AFF3: variants seen among roughly 807,000 people sequenced by gnomAD.
AFF3 encodes the protein ALF transcription elongation factor 3.
AFF3 carries 32 observed loss-of-function variants against 129.7 expected under a neutral mutation model. That is an observed-to-expected ratio of 0.25 (90% CI 0.19 to 0.33). AFF3 has a LOEUF of 0.33. Ranked by LOEUF, AFF3 falls within the 10% of genes least tolerant of loss-of-function variation. AFF3 has a pLI of 1.00. For missense variants in AFF3, 1,373 were observed against 1,592.0 expected, an observed-to-expected ratio of 0.86 and a Z score of 2.34; for synonymous variants, 644 against 635.4, an observed-to-expected ratio of 1.01 and a Z score of -0.20.
chr2:99,895,347 G>A (rs1003706333), intron 7 of AFF3, among the ~76,000 whole-genome samples: 10 of 152,204 alleles, frequency 6.6e-5, no homozygotes, highest in African/African-American at 2.4e-4. Context: ...CATTTTTAAA[G>A]TGTTTTTTAA....
intron 8 of AFF3, among the ~76,000 whole-genome samples, chr2:99,832,528 C>T (rs1243539372): frequency 6.6e-6 from 1 of 152,198 alleles, no homozygotes; most frequent in African/African-American, 2.4e-5. Context: ...CACCAGGGTG[C>T]CCTTAGCAGG....
chr2:100,117,045 G>A (rs898054540), intron 2 of AFF3, among the ~76,000 whole-genome samples: 1 of 151,946 alleles, frequency 6.6e-6, no homozygotes, highest in East Asian at 1.9e-4. Flanking sequence ...TTTTTCCTCT[G>A]TCTGCTTTTA....
chr2:99,682,969 T>C (rs1002175716), intron 11 of AFF3, among the ~76,000 whole-genome samples: 1 of 152,208 alleles, frequency 6.6e-6, no homozygotes, highest in Non-Finnish European at 1.5e-5. Context: ...TATTCTTGCA[T>C]TTATTGATTT....
intron 11 of AFF3, among the ~76,000 whole-genome samples, chr2:99,690,880 G>A (rs1675592824): frequency 6.6e-6 from 1 of 151,938 alleles, no homozygotes; most frequent in African/African-American, 2.4e-5. Flanking sequence ...GGGAAAGGCA[G>A]AAGCAGAGAG....
At chr2:99,707,166 C>CT in intron 11 of AFF3, 1 of 985,420 alleles carries the variant, frequency 1.0e-6, no homozygotes, top group Non-Finnish European at 1.2e-6. Context: ...TTGCCTGTAA[C>CT]AACATCCTAA....
chr2:99,896,881 C>T (rs552597229), intron 7 of AFF3, among the ~76,000 whole-genome samples: 39 of 151,968 alleles, frequency 2.6e-4, no homozygotes, highest in Middle Eastern at 3.4e-3. Flanking sequence ...GTGATCTGCC[C>T]GCCTCGGCCT....
At chr2:100,054,506 T>C (rs1203329487) in intron 4 of AFF3, among the ~76,000 whole-genome samples, 1 of 152,154 alleles carries the variant, frequency 6.6e-6, no homozygotes, top group East Asian at 1.9e-4. Context: ...AGTTTTTCCC[T>C]GCCTTTGGAC....
rs931827366 is a variant in AFF3, at chr2:99,547,903, C to T, written c.*3571G>A. 45 of 213,454 alleles carry T rather than the reference C, an allele frequency of 2.1e-4. No individual in the cohort carries two copies. The highest frequency in any genetic ancestry group is 3.5e-4 in the Non-Finnish European group (37 of 105,314). 13.2% of individuals were successfully genotyped at this position (213,454 alleles called of 1,614,324 possible). On this transcript the variant is annotated 3_prime_UTR_variant, in exon 25 of 25. Coordinates refer to ENST00000672756, the MANE Select transcript of AFF3 (RefSeq NM_001386135.1). ...CAGAAAGTCTCATTGCATTGCATTC[C>T]ATGTGTTCAATCTAGTACACAATTT...
At chr2:100,137,100 C>T (rs78554881) in intron 1 of AFF3, among the ~76,000 whole-genome samples, 2,797 of 152,236 alleles carry the variant, frequency 0.018, 99 homozygotes, top group African/African-American at 0.064. Flanking sequence ...AAACAGATTG[C>T]AACACCTTTA....
At chr2:99,828,628 C>CT (rs1236309875) in intron 8 of AFF3, among the ~76,000 whole-genome samples, 1 of 152,164 alleles carries the variant, frequency 6.6e-6, no homozygotes, top group African/African-American at 2.4e-5. Flanking sequence ...ACCAGCAAGG[C>CT]TTTTGGGGAG....
chr2:99,847,373 G>A (rs980945280), intron 7 of AFF3, among the ~76,000 whole-genome samples: 5 of 151,496 alleles, frequency 3.3e-5, no homozygotes, highest in Non-Finnish European at 1.5e-5. Context: ...ACGGGGTTTC[G>A]CCATGTTGGC....
At chr2:99,830,162 C>A (rs1162434176) in intron 8 of AFF3, among the ~76,000 whole-genome samples, 2 of 152,090 alleles carry the variant, frequency 1.3e-5, no homozygotes, top group Non-Finnish European at 2.9e-5. Context: ...AGGACAAATA[C>A]CTAGTGCATG....
chr2:99,601,402 G>T, intron 14 of AFF3, 33 bp downstream of exon 14: 1 of 1,553,316 alleles, frequency 6.4e-7, no homozygotes. Context: ...ACAGAAGTGG[G>T]CAGAGGAGAG....
chr2:99,573,262 TTCTC>T (rs3838577), intron 18 of AFF3, among the ~76,000 whole-genome samples: 3 of 151,502 alleles, frequency 2.0e-5, no homozygotes, highest in Non-Finnish European at 2.9e-5. Flanking sequence ...CTTCATTTCT[TTCTC>T]TCTCTCTCTC....
In AFF3 at chr2:99,775,576, G is replaced by T. The variant is rs569598932; in HGVS notation, c.922-23275C>A. ...GTCAGAGGGCAGGAGGAGGTAGGAG[G>T]AGGGAAAAATCAGGGTGATGGGCTG... On this transcript the variant is annotated intron_variant, in intron 8 of 24. Transcript: ENST00000672756. Among the ~76,000 whole-genome samples the T allele has an allele frequency of 2.0e-5, 3 of 152,180 alleles. No individual in the cohort carries two copies. The South Asian group carries it at 6.2e-4, about 32-fold the overall frequency.
At chr2:99,759,155 ATGC>A (rs2105255884) in intron 8 of AFF3, among the ~76,000 whole-genome samples, 1 of 152,294 alleles carries the variant, frequency 6.6e-6, no homozygotes, top group Non-Finnish European at 1.5e-5. Context: ...TTCTCTGCTC[ATGC>A]TCCTCCAAAG....
intron 10 of AFF3, among the ~76,000 whole-genome samples, chr2:99,734,374 T>TC (rs398104541): frequency 1.3e-5 from 2 of 152,010 alleles, no homozygotes; most frequent in Middle Eastern, 3.4e-3. Context: ...TACTTTTTTT[T>TC]CTTAATTTAT....
intron 24 of AFF3, among the ~76,000 whole-genome samples, chr2:99,553,022 C>T (rs954802029): frequency 1.3e-5 from 2 of 152,090 alleles, no homozygotes; most frequent in African/African-American, 2.4e-5. Flanking sequence ...AACCACTGCC[C>T]GCCTTCCAGG....
At chr2:100,106,639 T>G in intron 2 of AFF3, 1 of 987,042 alleles carries the variant, frequency 1.0e-6, no homozygotes, top group African/African-American at 1.7e-5. Flanking sequence ...AAGAAATGTG[T>G]CCTGTTCCCG....
Sources: gnomAD v4.1 joint callset for allele counts (sites outside exome capture counted in the v4.1 genomes callset) on GRCh38, gnomAD v4.1.1 for gene constraint, MANE v1.5 for transcripts, NCBI Gene and HGNC (gene_info 2026-07-23, HGNC 2026-07-21) for gene names.